SGCG: variants seen among roughly 807,000 people sequenced by gnomAD.
SGCG encodes the protein gamma-sarcoglycan.
SGCG carries 26 observed loss-of-function variants against 29.3 expected under a neutral mutation model. That is an observed-to-expected ratio of 0.89 (90% confidence interval 0.65 to 1.23). The LOEUF (loss-of-function observed/expected upper bound fraction) is 1.23, where lower values mean the gene tolerates loss of function less well. SGCG is among the 50% of genes most tolerant of loss of function. The pLI is 0.00. For synonymous variants in SGCG, 145 were observed against 129.7 expected, an observed-to-expected ratio of 1.12 and a Z score of -0.80; for missense variants, 353 against 356.0, an observed-to-expected ratio of 0.99 and a Z score of 0.07.
At chr13:23,209,880 G>A (rs1878125910) in intron 2 of SGCG, among the ~76,000 whole-genome samples, 1 of 152,126 alleles carries the variant, frequency 6.6e-6, no homozygotes, top group Non-Finnish European at 1.5e-5. Context: ...TCATTCATTG[G>A]AAATTTGTTA....
intron 4 of SGCG, among the ~76,000 whole-genome samples, chr13:23,264,338 C>CA (rs145913788): frequency 0.11 from 16,627 of 145,820 alleles, 1,226 homozygotes; most frequent in Admixed American, 0.22. Context: ...ACAATGGTTA[C>CA]AAAAAAAAAA....
intron 1 of SGCG, among the ~76,000 whole-genome samples, chr13:23,183,824 T>A (rs1402693079): frequency 6.6e-6 from 1 of 152,158 alleles, no homozygotes; most frequent in Non-Finnish European, 1.5e-5. Context: ...TATGCCACCA[T>A]GCCCAGCTAA....
chr13:23,323,980 T>A (rs1460150214), intron 7 of SGCG, among the ~76,000 whole-genome samples: 2 of 152,176 alleles, frequency 1.3e-5, no homozygotes, highest in Non-Finnish European at 2.9e-5. Context: ...AATTCTAATA[T>A]GTTTGACAAA....
intron 4 of SGCG, among the ~76,000 whole-genome samples, chr13:23,260,644 T>TG: frequency 6.6e-6 from 1 of 152,182 alleles, no homozygotes; most frequent in East Asian, 1.9e-4. Context: ...CTAGCATCGA[T>TG]GGTCTTTACA....
intron 6 of SGCG, among the ~76,000 whole-genome samples, chr13:23,301,600 A>G (rs1593099749): frequency 2.0e-5 from 3 of 152,154 alleles, no homozygotes; most frequent in Admixed American, 2.0e-4. Context: ...AATAAGAATC[A>G]ATGGGGTCCG....
chr13:23,294,277 G>A (rs1038895963), intron 5 of SGCG, among the ~76,000 whole-genome samples: 2 of 152,262 alleles, frequency 1.3e-5, no homozygotes, highest in East Asian at 1.9e-4. Flanking sequence ...TAAGCAATGT[G>A]GTGCTGCTTA....
At chr13:23,264,347 A>G (rs1383840201) in intron 4 of SGCG, among the ~76,000 whole-genome samples, 2 of 152,134 alleles carry the variant, frequency 1.3e-5, no homozygotes, top group Non-Finnish European at 2.9e-5. Context: ...ACAAAAAAAA[A>G]ATACCGAGAA....
the SGCG span, among the ~76,000 whole-genome samples, chr13:23,161,864 AC>A: frequency 6.6e-6 from 1 of 152,262 alleles, no homozygotes; most frequent in Non-Finnish European, 1.5e-5. Context: ...TCAGACAGAC[AC>A]AATATTTAGT....
chr13:23,189,885 C>T (rs1877169575), intron 1 of SGCG, among the ~76,000 whole-genome samples: 1 of 152,168 alleles, frequency 6.6e-6, no homozygotes, highest in African/African-American at 2.4e-5. Context: ...CCCCTGCCCG[C>T]TCCTTCAGGC....
intron 4 of SGCG, chr13:23,268,325 T>A (rs538996389): frequency 6.6e-6 from 1 of 152,138 alleles, no homozygotes; most frequent in Admixed American, 6.5e-5. Flanking sequence ...TACCCTCACA[T>A]TGTGACTAAA....
rs1381101841 is a variant in SGCG at position 23,324,415 on chromosome 13, G to T, written c.750G>T (p.Gly250=). ...ETVCLPKLVQ[G]TWGPSGSSQS... ...TGTGCTTACCCAAGCTGGTGCAGGG[G>T]ACGTGGGGTCCCTCTGGCAGCTCAC... Residue 250 remains glycine (G), a synonymous_variant, in exon 8 of 8, where the codon GGG becomes GGT. Coordinates refer to ENST00000218867, the MANE Select transcript of SGCG (RefSeq NM_000231.3). 1.2e-6 allele frequency: 2 copies of T among 1,614,196 alleles called. No individual in the cohort carries two copies. Among genetic ancestry groups the T allele is most frequent in the South Asian group, 1.1e-5 (1 of 91,078 alleles).
At chr13:23,314,382 TTATATATATATATATA>T (rs201480793) in intron 6 of SGCG, among the ~76,000 whole-genome samples, 1 of 78,624 alleles carries the variant, frequency 1.3e-5, no homozygotes, top group African/African-American at 5.7e-5. Context: ...CTGCTATAGG[TTATATATATATATATA>T]TATATATATA....
chr13:23,302,925 G>C (rs995423418), intron 6 of SGCG, among the ~76,000 whole-genome samples: 13 of 152,132 alleles, frequency 8.5e-5, no homozygotes, highest in African/African-American at 3.1e-4. Context: ...GTCACTCTAC[G>C]TTCTGAACTC....
intron 2 of SGCG, among the ~76,000 whole-genome samples, chr13:23,224,673 C>CACACACACACAA: frequency 6.7e-6 from 1 of 148,888 alleles, no homozygotes; most frequent in Non-Finnish European, 1.5e-5. Flanking sequence ...CATACACACA[C>CACACACACACAA]ACACACACCC....
chr13:23,177,736 T>A (rs1876605014), upstream of SGCG, among the ~76,000 whole-genome samples: 1 of 69,450 alleles, frequency 1.4e-5, no homozygotes, highest in Non-Finnish European at 3.1e-5. Context: ...CATGTCCGGC[T>A]ATTTTTTTTT....
intron 2 of SGCG, among the ~76,000 whole-genome samples, chr13:23,232,208 T>C (rs1451501167): frequency 6.6e-6 from 1 of 152,120 alleles, no homozygotes; most frequent in African/African-American, 2.4e-5. Context: ...ACATGCACAC[T>C]GCTAATGCCA....
chr13:23,196,750 C>T (rs1877527983), intron 1 of SGCG, among the ~76,000 whole-genome samples: 1 of 95,452 alleles, frequency 1.0e-5, no homozygotes, highest in Non-Finnish European at 2.5e-5. Flanking sequence ...CTAGGGCAGG[C>T]ACCTCTCCAC....
At chr13:23,308,106 G>A (rs1882424897) in intron 6 of SGCG, among the ~76,000 whole-genome samples, 3 of 152,184 alleles carry the variant, frequency 2.0e-5, no homozygotes. Flanking sequence ...ATCTTTCTCT[G>A]GAGAGTATTT....
Position 23,196,810 on chromosome 13 carries a change from T to C in SGCG, c.1-6885T>C, listed in dbSNP as rs187667067. On this transcript the variant is annotated intron_variant, in intron 1 of 7. Coordinates refer to ENST00000218867, the MANE Select transcript of SGCG (RefSeq NM_000231.3). The stretch of plus-strand genomic sequence containing the variant: ...TCTTTCAGAATGATGTAAGTTATGA[T>C]GCAAACAGTAAGGCAGAAAACACAC... 7.0e-3 allele frequency among the ~76,000 whole-genome samples: 1,060 copies of C among 152,296 alleles called. 15 individuals carry two copies. Among genetic ancestry groups the C allele is most frequent in the African/African-American group, 0.025 (1,020 of 41,574 alleles).
Sources: gnomAD v4.1 joint callset for allele counts (sites outside exome capture counted in the v4.1 genomes callset) on GRCh38, gnomAD v4.1.1 for gene constraint, MANE v1.5 for transcripts, NCBI Gene and HGNC (gene_info 2026-07-23, HGNC 2026-07-21) for gene names.